Variants in PTPRD observed in about 807,000 individuals in gnomAD.
PTPRD encodes protein tyrosine phosphatase receptor type D.
Under a neutral mutation model 214.5 loss-of-function variants are expected in PTPRD, and 34 were observed. That is an observed-to-expected ratio of 0.16 (90% confidence interval 0.12 to 0.21). The LOEUF (loss-of-function observed/expected upper bound fraction) is 0.21. Among genes scored for constraint, PTPRD ranks in the 10% least tolerant of loss-of-function variants. The probability of loss-of-function intolerance (pLI) is 1.00; values close to 1 mark genes in which losing one functional copy is unlikely to be tolerated. For missense variants in PTPRD, 2,545 were observed against 2,398.7 expected (o/e 1.06, Z -1.27); for synonymous variants, 1,128 against 845.7 (o/e 1.33, Z -5.79).
intron 9 of PTPRD, among the ~76,000 whole-genome samples, chr9:9,232,459 C>G (rs2099963686): frequency 6.6e-6 from 1 of 152,006 alleles, no homozygotes; most frequent in Middle Eastern, 3.2e-3. Context: ...ATAAGCAATT[C>G]ACAATAATGA....
intron 3 of PTPRD, among the ~76,000 whole-genome samples, chr9:10,174,343 C>T (rs978074789): frequency 6.6e-6 from 1 of 152,070 alleles, no homozygotes; most frequent in African/African-American, 2.4e-5. Flanking sequence ...GGAAATTCAT[C>T]CATTTCTCTC....
At chr9:9,870,612 T>A (rs1198587077) in intron 5 of PTPRD, among the ~76,000 whole-genome samples, 4 of 152,054 alleles carry the variant, frequency 2.6e-5, no homozygotes, top group Non-Finnish European at 5.9e-5. Flanking sequence ...TTATATTATT[T>A]CTATTTCACT....
At chr9:8,430,933 G>C (rs1416881813) in intron 35 of PTPRD, among the ~76,000 whole-genome samples, 1 of 152,112 alleles carries the variant, frequency 6.6e-6, no homozygotes, top group Non-Finnish European at 1.5e-5. Context: ...GTATATACTT[G>C]TCTTTGACAA....
At chr9:10,029,929 G>A (rs1242260809) in intron 4 of PTPRD, among the ~76,000 whole-genome samples, 2 of 152,142 alleles carry the variant, frequency 1.3e-5, no homozygotes, top group African/African-American at 2.4e-5. Flanking sequence ...GAGGGACCAG[G>A]TGGGAGGTAA....
rs117711355 is a variant in PTPRD, at chr9:8,412,315, A to G, written c.4087-7655T>C. Among the ~76,000 whole-genome samples the G allele has an allele frequency of 4.3e-3, 651 of 152,328 alleles. 4 individuals carry two copies. Among genetic ancestry groups the G allele is most frequent in the Middle Eastern group, 6.8e-3 (2 of 294 alleles). ...GTATGGCAACATTAAAGAGAATATT[A>G]TTGAGTATAGGTAACAGACAAAATT... On this transcript the variant is annotated intron_variant, in intron 35 of 45. Transcript: ENST00000381196.
chr9:9,665,030 C>T (rs1429332430), intron 7 of PTPRD, among the ~76,000 whole-genome samples: 1 of 151,542 alleles, frequency 6.6e-6, no homozygotes, highest in Non-Finnish European at 1.5e-5. Context: ...ATAATGAAAT[C>T]ATGTCACTCT....
chr9:8,934,737 AC>A (rs937115643), intron 11 of PTPRD, among the ~76,000 whole-genome samples: 1 of 150,834 alleles, frequency 6.6e-6, no homozygotes, highest in African/African-American at 2.4e-5. Flanking sequence ...CATAACGGAA[AC>A]TTTTTATCCT....
At chr9:10,004,992 C>T (rs970406572) in intron 4 of PTPRD, among the ~76,000 whole-genome samples, 7 of 152,082 alleles carry the variant, frequency 4.6e-5, no homozygotes, top group African/African-American at 9.7e-5. Context: ...TAGTTTCATG[C>T]CATGCTTAAT....
chr9:9,217,830 T>A (rs138826898), intron 9 of PTPRD, among the ~76,000 whole-genome samples: 1 of 152,294 alleles, frequency 6.6e-6, no homozygotes, highest in East Asian at 1.9e-4. Context: ...CTTGTCCATA[T>A]GTTTTCTGAT....
At chr9:9,916,499 G>C (rs1479078606) in intron 5 of PTPRD, among the ~76,000 whole-genome samples, 2 of 151,710 alleles carry the variant, frequency 1.3e-5, no homozygotes, top group Admixed American at 6.6e-5. Context: ...TAAATTGGTT[G>C]AATAGATTTT....
chr9:10,074,387 T>C (rs2098093825), intron 3 of PTPRD, among the ~76,000 whole-genome samples: 1 of 152,126 alleles, frequency 6.6e-6, no homozygotes, highest in Non-Finnish European at 1.5e-5. Context: ...TAAAAGAATA[T>C]GGCTCTATTC....
chr9:10,454,218 A>G (rs2098885328), intron 2 of PTPRD, among the ~76,000 whole-genome samples: 2 of 151,526 alleles, frequency 1.3e-5, no homozygotes, highest in Non-Finnish European at 3.0e-5. Context: ...TTATTGTTTA[A>G]TTACAAAGGC....
chr9:9,213,945 A>G (rs1251187413), intron 9 of PTPRD, among the ~76,000 whole-genome samples: 1 of 146,030 alleles, frequency 6.8e-6, no homozygotes, highest in African/African-American at 2.6e-5. Context: ...TCACTTTTCT[A>G]GAATATCTTC....
At chr9:9,961,123 T>C (rs2094334065) in intron 4 of PTPRD, among the ~76,000 whole-genome samples, 1 of 152,170 alleles carries the variant, frequency 6.6e-6, no homozygotes, top group Non-Finnish European at 1.5e-5. Context: ...GTTAAATGAA[T>C]TACTGATATC....
chr9:8,896,633 GTAATTCTGAGA>G (rs1368686249), intron 11 of PTPRD, among the ~76,000 whole-genome samples: 2 of 152,130 alleles, frequency 1.3e-5, no homozygotes, highest in East Asian at 3.8e-4. Flanking sequence ...AGAGGAGTAG[GTAATTCTGAGA>G]TAATATCATC....
Position 10,423,976 on chromosome 9 carries a change from G to T in PTPRD, c.-599-82959C>A, listed in dbSNP as rs202164950. On this transcript the variant is annotated intron_variant, in intron 2 of 45. Coordinates refer to ENST00000381196, the MANE Select transcript of PTPRD (RefSeq NM_002839.4). Reference sequence around the variant, plus strand: ...TTTCACTAAGATTTTCCAATAGAGGGTATATTCTTTTTCAGAATTCAACAA... The same window carrying T: ...TTTCACTAAGATTTTCCAATAGAGGTTATATTCTTTTTCAGAATTCAACAA... 5.3e-5 allele frequency among the ~76,000 whole-genome samples: 8 copies of T among 151,902 alleles called. No individual in the cohort carries two copies. The East Asian group carries it at 9.7e-4, about 18-fold the overall frequency.
At chr9:9,576,603 C>G (rs2088907186) in intron 7 of PTPRD, among the ~76,000 whole-genome samples, 1 of 152,132 alleles carries the variant, frequency 6.6e-6, no homozygotes, top group Non-Finnish European at 1.5e-5. Context: ...CCCTTTTTAT[C>G]TAGAGGTGCA....
intron 11 of PTPRD, among the ~76,000 whole-genome samples, chr9:8,907,741 CA>C (rs1325908974): frequency 6.6e-6 from 1 of 151,530 alleles, no homozygotes; most frequent in African/African-American, 2.4e-5. Flanking sequence ...AAGAGATCAA[CA>C]GAAAATATTC....
At chr9:8,842,397 T>C (rs192577300) in intron 11 of PTPRD, among the ~76,000 whole-genome samples, 26 of 152,288 alleles carry the variant, frequency 1.7e-4, no homozygotes, top group African/African-American at 5.5e-4. Context: ...GGCTTTGAAA[T>C]AGATGAATAA....
Sources: allele counts gnomAD v4.1 joint callset (sites outside exome capture counted in the v4.1 genomes callset), GRCh38; gene constraint gnomAD v4.1.1; transcripts MANE v1.5; gene names NCBI Gene and HGNC (gene_info 2026-07-23, HGNC 2026-07-21).